The following MTUS2 variants were observed in gnomAD, a reference collection of about 807,000 sequenced individuals.
MTUS2 encodes microtubule associated scaffold protein 2, also known as microtubule-associated tumor suppressor candidate 2.
Under a neutral mutation model 114.1 loss-of-function variants are expected in MTUS2, and 40 were observed. The ratio of observed to expected loss-of-function variants is 0.35; its 90% CI spans 0.27 to 0.46. The LOEUF (loss-of-function observed/expected upper bound fraction) is 0.46, where lower values mean the gene tolerates loss of function less well. Ranked by LOEUF, MTUS2 falls within the 20% of genes least tolerant of loss-of-function variation. The pLI is 1.00. For missense variants in MTUS2, 1,679 were observed against 1,705.4 expected, an observed-to-expected ratio of 0.98 and a Z score of 0.27; for synonymous variants, 688 against 672.0, an observed-to-expected ratio of 1.02 and a Z score of -0.37.
At chr13:29,050,002 C>G (rs187826455) in intron 4 of MTUS2, among the ~76,000 whole-genome samples, 1 of 152,108 alleles carries the variant, frequency 6.6e-6, no homozygotes, top group African/African-American at 2.4e-5. Flanking sequence ...ACATGGAACC[C>G]GGCTCTAGCC....
chr13:29,375,595 AT>A (rs1871617947), intron 8 of MTUS2, among the ~76,000 whole-genome samples: 2 of 4,248 alleles, frequency 4.7e-4, no homozygotes, highest in Admixed American at 3.6e-3. Flanking sequence ...ATACGTATAT[AT>A]ATATATATAT....
chr13:28,900,316 G>A (rs1566208360), intron 2 of MTUS2, among the ~76,000 whole-genome samples: 1 of 152,298 alleles, frequency 6.6e-6, no homozygotes, highest in East Asian at 1.9e-4. Flanking sequence ...GTGTGTATGT[G>A]TGTGTGTTCC....
At chr13:29,208,378 C>A (rs1045649406) in intron 5 of MTUS2, among the ~76,000 whole-genome samples, 3 of 151,932 alleles carry the variant, frequency 2.0e-5, no homozygotes, top group Non-Finnish European at 4.4e-5. Context: ...TTTCAAAGAA[C>A]AAGCTTTTTG....
At position 29,047,714 on chromosome 13, in the gene MTUS2, T is replaced by C. The variant is rs998801068; in HGVS notation, c.2446+13589T>C. 1.2e-4 allele frequency among the ~76,000 whole-genome samples: 19 copies of C among 152,070 alleles called. 1 individual carries two copies. The highest frequency in any genetic ancestry group is 2.6e-4 in the Non-Finnish European group (18 of 68,016). The stretch of plus-strand genomic sequence containing the variant: ...GTTTTTAGTAGAGACGGGATTTCAC[T>C]GTGTTAGCCAGGATGGTCTCGATCT... On this transcript the variant is annotated intron_variant, in intron 4 of 15. Transcript: ENST00000612955.
intron 8 of MTUS2, among the ~76,000 whole-genome samples, chr13:29,413,057 T>G (rs1489940599): frequency 6.6e-6 from 1 of 152,160 alleles, no homozygotes; most frequent in East Asian, 1.9e-4. Flanking sequence ...CTATTATAAT[T>G]ACATGGGGCC....
At chr13:29,301,929 G>A (rs1159287415) in intron 6 of MTUS2, among the ~76,000 whole-genome samples, 1 of 152,202 alleles carries the variant, frequency 6.6e-6, no homozygotes, top group Non-Finnish European at 1.5e-5. Context: ...TCACCTGGTA[G>A]AAGGTGCAAA....
At chr13:29,164,092 T>C (rs555148806) in intron 5 of MTUS2, among the ~76,000 whole-genome samples, 5 of 152,206 alleles carry the variant, frequency 3.3e-5, no homozygotes, top group Admixed American at 3.3e-4. Context: ...CCAGAAAGAA[T>C]TGTTGTGCGG....
intron 1 of MTUS2, among the ~76,000 whole-genome samples, chr13:28,832,451 A>G (rs934529584): frequency 6.6e-6 from 1 of 152,010 alleles, no homozygotes; most frequent in Non-Finnish European, 1.5e-5. Context: ...AAATAGTTTG[A>G]GAAGAATGAA....
intron 10 of MTUS2, among the ~76,000 whole-genome samples, chr13:29,484,391 G>A (rs1027624782): frequency 7.2e-5 from 11 of 152,228 alleles, no homozygotes; most frequent in Admixed American, 6.5e-5. Flanking sequence ...GGGGGCCCTT[G>A]TCTCTCAGCA....
intron 2 of MTUS2, among the ~76,000 whole-genome samples, chr13:28,849,820 T>C (rs1398712354): frequency 1.3e-5 from 2 of 152,106 alleles, no homozygotes; most frequent in African/African-American, 4.8e-5. Flanking sequence ...CCCTCTCCTC[T>C]CTACCTCTGA....
chr13:29,338,513 C>T (rs894857197), intron 7 of MTUS2, among the ~76,000 whole-genome samples: 28 of 152,136 alleles, frequency 1.8e-4, no homozygotes, highest in African/African-American at 4.8e-4. Context: ...TCGCTTGAAC[C>T]GGGGAGGCGG....
At chr13:29,292,950 C>G (rs1038622607) in intron 6 of MTUS2, among the ~76,000 whole-genome samples, 2 of 152,040 alleles carry the variant, frequency 1.3e-5, no homozygotes, top group Non-Finnish European at 2.9e-5. Flanking sequence ...GACTTTAATT[C>G]TGTAAATTTT....
intron 6 of MTUS2, among the ~76,000 whole-genome samples, chr13:29,285,007 G>A (rs1049086180): frequency 6.6e-6 from 1 of 151,938 alleles, no homozygotes; most frequent in Non-Finnish European, 1.5e-5. Context: ...TGCCATGCTA[G>A]CTGGCTAAGA....
intron 4 of MTUS2, among the ~76,000 whole-genome samples, chr13:29,055,956 T>G (rs2138623903): frequency 6.6e-6 from 1 of 152,244 alleles, no homozygotes; most frequent in South Asian, 2.1e-4. Context: ...ATTCTGGATA[T>G]TAGACCTTTG....
chr13:28,909,564 G>A (rs561559139), intron 2 of MTUS2, among the ~76,000 whole-genome samples: 10 of 152,068 alleles, frequency 6.6e-5, no homozygotes, highest in Non-Finnish European at 1.2e-4. Flanking sequence ...GAAACCCACC[G>A]CCAATATCAT....
chr13:28,884,023 A>G (rs1878444883), intron 2 of MTUS2, among the ~76,000 whole-genome samples: 1 of 152,184 alleles, frequency 6.6e-6, no homozygotes, highest in Non-Finnish European at 1.5e-5. Flanking sequence ...ATGATTTAGC[A>G]GTTTCACTTC....
chr13:28,917,262 T>C (rs2138037787), intron 2 of MTUS2, among the ~76,000 whole-genome samples: 1 of 152,068 alleles, frequency 6.6e-6, no homozygotes, highest in East Asian at 1.9e-4. Flanking sequence ...GGTATCAGGG[T>C]AATACTGTCC....
intron 5 of MTUS2, among the ~76,000 whole-genome samples, chr13:29,194,978 A>G (rs997786561): frequency 1.3e-5 from 2 of 150,554 alleles, no homozygotes; most frequent in African/African-American, 4.9e-5. Flanking sequence ...CATCATTCTC[A>G]GTAAACTATC....
chr13:29,281,952 A>G, intron 6 of MTUS2, 87 bp downstream of exon 6: 1 of 1,384,768 alleles, frequency 7.2e-7, no homozygotes, highest in South Asian at 1.5e-5. Flanking sequence ...TGTGTACATC[A>G]GTTATTTAGA....
Sources: gnomAD v4.1 joint callset for allele counts (sites outside exome capture counted in the v4.1 genomes callset) on GRCh38, gnomAD v4.1.1 for gene constraint, MANE v1.5 for transcripts, NCBI Gene and HGNC (gene_info 2026-07-23, HGNC 2026-07-21) for gene names.